ABITRAM: variants seen among roughly 807,000 people sequenced by gnomAD.
ABITRAM encodes the protein protein Abitram.
A neutral mutation model predicts 22.9 loss-of-function variants in ABITRAM; 19 were observed. The ratio of observed to expected loss-of-function variants is 0.83; its 90% CI spans 0.58 to 1.22. The LOEUF (loss-of-function observed/expected upper bound fraction) is 1.22, where lower values mean the gene tolerates loss of function less well. Among genes scored for constraint, ABITRAM ranks in the 50% most tolerant of loss-of-function variants. The pLI, the probability that ABITRAM is intolerant of heterozygous loss-of-function variation, is 0.00. For synonymous variants in ABITRAM, 70 were observed against 73.9 expected, an observed-to-expected ratio of 0.95 and a Z score of 0.27; for missense variants, 215 against 220.2, an observed-to-expected ratio of 0.98 and a Z score of 0.15.
Position 108,936,423 on chromosome 9 carries a change from G to A in ABITRAM, c.247G>A (p.Gly83Arg). ...NCSRLQNKVS[G>R]KFKRGAQFLT... Reference sequence around the variant, plus strand: ...TAGCAGACTTCAGAACAAGGTCTCTGGGAAATTTAAGCGGGTATGTTCCTG... The same window carrying A: ...TAGCAGACTTCAGAACAAGGTCTCTAGGAAATTTAAGCGGGTATGTTCCTG... Residue 83 changes from glycine to arginine, a missense_variant, in exon 3 of 6, where the codon GGG (glycine) becomes AGG (arginine). By Grantham distance (125) the Gly-to-Arg change is moderately radical. Transcript: ENST00000322940. 1 of 1,613,450 alleles carries A rather than the reference G, an allele frequency of 6.2e-7. No homozygotes were observed. The highest frequency in any genetic ancestry group is 8.5e-7 in the Non-Finnish European group (1 of 1,179,766).
intron 3 of ABITRAM, among the ~76,000 whole-genome samples, chr9:108,936,796 ACT>A (rs1435060912): frequency 1.3e-5 from 2 of 151,672 alleles, no homozygotes; most frequent in African/African-American, 4.9e-5. Flanking sequence ...TAGGTGACTA[ACT>A]CTTCTTTACC....
At position 108,935,708 on chromosome 9, in the gene ABITRAM, T is replaced by G; in HGVS notation, c.131+19T>G. On this transcript the variant is annotated intron_variant, in intron 2 of 5. Coordinates refer to ENST00000322940, the MANE Select transcript of ABITRAM (RefSeq NM_017832.4). ...CTAACCGGTAAGCAAATTGGGAATTTTAAATTATCAAAAATTTTTTTTTCC... is the reference window on the plus strand; with the variant it reads ...CTAACCGGTAAGCAAATTGGGAATTGTAAATTATCAAAAATTTTTTTTTCC... 1 of 1,606,480 alleles carries G rather than the reference T, an allele frequency of 6.2e-7. No individual in the cohort carries two copies. Among genetic ancestry groups the G allele is most frequent in the Non-Finnish European group, 8.5e-7 (1 of 1,173,906 alleles).
intron 4 of ABITRAM, 50 bp from the exon 5 acceptor site, chr9:108,939,335 A>C: frequency 1.9e-6 from 3 of 1,588,958 alleles, no homozygotes; most frequent in Non-Finnish European, 2.6e-6. Context: ...TCTTAGAAAC[A>C]ATTTTTTTTA....
At position 108,935,512 on chromosome 9, in the gene ABITRAM, A is replaced by G. The variant is rs1830168800; in HGVS notation, c.80-126A>G. Reference sequence around the variant, plus strand: ...ATGTCTTTTTGAGTAATGAAGGGATACCCGTGATCAGCATGCAGCATGTAT... The same window carrying G: ...ATGTCTTTTTGAGTAATGAAGGGATGCCCGTGATCAGCATGCAGCATGTAT... On this transcript the variant is annotated intron_variant, in intron 1 of 5. Coordinates refer to ENST00000322940, the MANE Select transcript of ABITRAM (RefSeq NM_017832.4). 3 of 713,534 alleles carry G rather than the reference A, an allele frequency of 4.2e-6. No homozygotes were observed. In the South Asian group the frequency reaches 5.3e-5, roughly 13 times the overall value. The allele number at this position is 713,534 out of a possible 1,614,324, so 44.2% of individuals were successfully genotyped here.
At chr9:108,942,666 CT>C (rs1197913085), downstream of ABITRAM, 1 of 844,142 alleles carries the variant, frequency 1.2e-6, no homozygotes, top group Non-Finnish European at 1.9e-6. Context: ...ATATTGTTTT[CT>C]TTATAAAATT....
chr9:108,938,696 G>T lies in ABITRAM; in HGVS notation c.262-500G>T, dbSNP rs12335452. On this transcript the variant is annotated intron_variant, in intron 3 of 5. Coordinates refer to ENST00000322940, the MANE Select transcript of ABITRAM (RefSeq NM_017832.4). ...ACACACTGGGGAATTACAAAGGGGG[G>T]GGGGGGAAAGAACAATATCCCTTCT... 2.1e-4 allele frequency among the ~76,000 whole-genome samples: 30 copies of T among 141,808 alleles called. 1 individual carries two copies. Among genetic ancestry groups the T allele is most frequent in the African/African-American group, 5.6e-4 (22 of 39,522 alleles). The allele number at this position is 141,808 out of a possible 152,430, so 93.0% of individuals were successfully genotyped here.
At chr9:108,938,515 T>C (rs370998086) in intron 3 of ABITRAM, among the ~76,000 whole-genome samples, 1 of 152,122 alleles carries the variant, frequency 6.6e-6, no homozygotes. Flanking sequence ...ACAATAACCA[T>C]GCCATGACAT....
chr9:108,943,680 A>C, downstream of ABITRAM: 1 of 1,591,998 alleles, frequency 6.3e-7, no homozygotes, highest in Non-Finnish European at 8.5e-7. Context: ...GATGTGTGAA[A>C]GTTTTTCATA....
In ABITRAM at chr9:108,939,720, C is replaced by T. The variant is rs773326607; in HGVS notation, c.*34C>T. 1 of 1,610,018 alleles carries T rather than the reference C, an allele frequency of 6.2e-7. No homozygotes were observed. The highest frequency in any genetic ancestry group is 1.1e-5 in the South Asian group (1 of 90,412). ...ATGGAACAAAAAGCAAAGTGGGATT[C>T]TTGTTACCTGGCCTAAACCATCAGG... On this transcript the variant is annotated 3_prime_UTR_variant, in exon 6 of 6. Transcript: ENST00000322940.
At chr9:108,942,842 GAGTT>G, downstream of ABITRAM, 3 of 1,613,428 alleles carry the variant, frequency 1.9e-6, no homozygotes, top group South Asian at 3.3e-5. Flanking sequence ...AAGCTGGAAA[GAGTT>G]AAGACAATTA....
At chr9:108,943,527 A>G (rs923170398), downstream of ABITRAM, among the ~76,000 whole-genome samples, 1 of 152,158 alleles carries the variant, frequency 6.6e-6, no homozygotes, top group Non-Finnish European at 1.5e-5. Context: ...TTATTTGGTG[A>G]ATCTGCTACT....
intron 3 of ABITRAM, among the ~76,000 whole-genome samples, chr9:108,949,991 TC>T (rs1830513405): frequency 7.3e-6 from 1 of 136,508 alleles, no homozygotes; most frequent in Non-Finnish European, 1.5e-5. Flanking sequence ...GCCACTGCAC[TC>T]CAGCCTGGGT....
chr9:108,936,463 T>C (rs1303893911), intron 3 of ABITRAM, 26 bp downstream of exon 3: 2 of 1,609,046 alleles, frequency 1.2e-6, no homozygotes, highest in Non-Finnish European at 1.7e-6. Context: ...TCTGTGATTA[T>C]CTACTTACAT....
Position 108,939,467 on chromosome 9 carries a change from G to A in ABITRAM, c.408+13G>A. 1 of 1,603,492 alleles carries A rather than the reference G, an allele frequency of 6.2e-7. No homozygotes were observed. The highest frequency in any genetic ancestry group is 1.4e-5 in the African/African-American group (1 of 74,070). On this transcript the variant is annotated intron_variant, in intron 5 of 5. Transcript: ENST00000322940. ...TCTTCAAGAAAAGGTAAAAGAGAGA[G>A]AAAAAATATGATCTCATCCACATAC... is the stretch of plus-strand genomic sequence containing the variant.
At chr9:108,936,624 G>T (rs1225838726) in intron 3 of ABITRAM, among the ~76,000 whole-genome samples, 187 bp downstream of exon 3, 1 of 152,176 alleles carries the variant, frequency 6.6e-6, no homozygotes, top group Non-Finnish European at 1.5e-5. Flanking sequence ...ATCTCAGGAG[G>T]TGTAGTATCT....
At chr9:108,935,768 G>T in intron 2 of ABITRAM, 79 bp downstream of exon 2, 1 of 888,678 alleles carries the variant, frequency 1.1e-6, no homozygotes. Flanking sequence ...TGTGGTCTTG[G>T]ATTGAACAAA....
rs1174578344 is a variant in ABITRAM, at chr9:108,934,450, G to C, written c.-37G>C. On this transcript the variant is annotated 5_prime_UTR_variant, in exon 1 of 6. Coordinates refer to ENST00000322940, the MANE Select transcript of ABITRAM (RefSeq NM_017832.4). ...CGGGCTGCGCGGAGGAAGCGCTGGG[G>C]TCCCGGAGGGCGGGGGTGGCGGCGC... 1 of 1,564,858 alleles carries C rather than the reference G, an allele frequency of 6.4e-7. No homozygotes were observed.
At chr9:108,944,796 G>C (rs1205549854), downstream of ABITRAM, among the ~76,000 whole-genome samples, 1 of 152,106 alleles carries the variant, frequency 6.6e-6, no homozygotes, top group Admixed American at 6.6e-5. Flanking sequence ...ATAAATTAAA[G>C]AATACTAAGA....
chr9:108,949,427 G>T (rs1830494950), intron 3 of ABITRAM, among the ~76,000 whole-genome samples: 1 of 152,194 alleles, frequency 6.6e-6, no homozygotes, highest in South Asian at 2.1e-4. Flanking sequence ...TAAAAAGTTG[G>T]CCAAGCGCGG....
Sources: allele counts gnomAD v4.1 joint callset (sites outside exome capture counted in the v4.1 genomes callset), GRCh38; gene constraint gnomAD v4.1.1; transcripts MANE v1.5; gene names NCBI Gene and HGNC (gene_info 2026-07-23, HGNC 2026-07-21).